UNC5B: variants seen among roughly 807,000 people sequenced by gnomAD.
UNC5B encodes the protein netrin receptor UNC5B.
Under a neutral mutation model 103.7 loss-of-function variants are expected in UNC5B, and 56 were observed. The observed-to-expected ratio is 0.54, with a 90% CI of 0.44 to 0.67. UNC5B has a LOEUF of 0.67. Among genes scored for constraint, UNC5B ranks in the 30% least tolerant of loss-of-function variants. The pLI, the probability that UNC5B is intolerant of heterozygous loss-of-function variation, is 0.00. For synonymous variants in UNC5B, 577 were observed against 542.0 expected (o/e 1.06, Z -0.90); for missense variants, 1,194 against 1,284.5 (o/e 0.93, Z 1.08).
At position 71,299,493 on chromosome 10, in the gene UNC5B, G is replaced by GCT; in HGVS notation, c.*227_*228dup. ...GGCCCAGAGTTCCTTCTCCACCCCC[G>GCT]CTCTCTCTCTCTTGGCCTGAGATCT... On this transcript the variant is annotated 3_prime_UTR_variant, in exon 17 of 17. Coordinates refer to ENST00000335350, the MANE Select transcript of UNC5B (RefSeq NM_170744.5). 33 of 548,474 alleles carry GCT rather than the reference G, an allele frequency of 6.0e-5. No homozygotes were observed. Among genetic ancestry groups the GCT allele is most frequent in the East Asian group, 1.3e-4 (4 of 31,728 alleles). 34.0% of individuals were successfully genotyped at this position (548,474 alleles called of 1,614,324 possible).
At chr10:71,226,124 G>A (rs1164038073) in intron 1 of UNC5B, among the ~76,000 whole-genome samples, 2 of 151,780 alleles carry the variant, frequency 1.3e-5, no homozygotes, top group Non-Finnish European at 2.9e-5. Context: ...ACCCAGGCTG[G>A]AGTGCAGTGG....
chr10:71,291,552 C>T lies in UNC5B; in HGVS notation c.1415C>T (p.Pro472Leu). ...STDKIPMTNS[P>L]LLDPLPSLKV... ...GACAAAATCCCCATGACCAACTCTCCTCTGCTGGACCCCTTACCCAGCCTT... is the reference window on the plus strand; with the variant it reads ...GACAAAATCCCCATGACCAACTCTCTTCTGCTGGACCCCTTACCCAGCCTT... Residue 472 changes from proline (P) to leucine (L), a missense_variant, in exon 10 of 17, where the codon CCT (proline) becomes CTT (leucine). Physicochemically the swap from Pro to Leu is moderately conservative, Grantham distance 98 (BLOSUM62 -3). Coordinates refer to ENST00000335350, the MANE Select transcript of UNC5B (RefSeq NM_170744.5). 6.2e-7 allele frequency: 1 copy of T among 1,614,216 alleles called. No homozygotes were observed. The highest frequency in any genetic ancestry group is 1.1e-5 in the South Asian group (1 of 91,078).
chr10:71,287,425 G>A (rs75289661), intron 5 of UNC5B, among the ~76,000 whole-genome samples, 173 bp from the exon 6 acceptor site: 8,881 of 152,160 alleles, frequency 0.058, 341 homozygotes, highest in South Asian at 0.09. Context: ...TGGTGCTGAC[G>A]GTTACAGCCC....
At chr10:71,240,290 C>G (rs1411286398) in intron 1 of UNC5B, among the ~76,000 whole-genome samples, 1 of 152,276 alleles carries the variant, frequency 6.6e-6, no homozygotes, top group African/African-American at 2.4e-5. Flanking sequence ...CCTCTGGCTT[C>G]TGCCCACTGG....
intron 1 of UNC5B, among the ~76,000 whole-genome samples, chr10:71,258,628 A>G (rs1049666696): frequency 6.6e-6 from 1 of 152,174 alleles, no homozygotes; most frequent in African/African-American, 2.4e-5. Context: ...GAAGGTCCAG[A>G]GAGGGGAAGG....
At chr10:71,271,407 GAGA>G (rs1333009462) in intron 1 of UNC5B, among the ~76,000 whole-genome samples, 1 of 152,204 alleles carries the variant, frequency 6.6e-6, no homozygotes, top group Non-Finnish European at 1.5e-5. Context: ...CCTTGTCTGG[GAGA>G]AGAAGGGGAA....
At position 71,291,135 on chromosome 10, in the gene UNC5B, G is replaced by A. The variant is rs759930456; in HGVS notation, c.1294+26G>A. 9 of 1,598,234 alleles carry A rather than the reference G, an allele frequency of 5.6e-6. No homozygotes were observed. In the African/African-American group the frequency reaches 1.1e-4, roughly 19 times the overall value. ...GTAAGAACCCGAGGATGTCTGGGGT[G>A]GTTGGCAGAGGCAGGATACCCAGAG... On this transcript the variant is annotated intron_variant, in intron 9 of 16. Transcript: ENST00000335350.
rs1413214909 is a variant in UNC5B, at chr10:71,291,047, C to A, written c.1232C>A (p.Thr411Asn). Residue 411 changes from threonine (T) to asparagine (N), a missense_variant, in exon 9 of 17, where the codon ACT (threonine) becomes AAT (asparagine). Thr to Asn is a moderately conservative substitution (Grantham distance 65). Coordinates refer to ENST00000335350, the MANE Select transcript of UNC5B (RefSeq NM_170744.5). Reference protein sequence around the residue: ...RNCRDFDTDITDSSAALTGGF... With the variant: ...RNCRDFDTDINDSSAALTGGF... ...TGCCGTGACTTCGACACAGACATCA[C>A]TGACTCATCTGCTGCCCTGACTGGT... The A allele has an allele frequency of 1.2e-5, 19 of 1,614,210 alleles. No homozygotes were observed. Among genetic ancestry groups the A allele is most frequent in the Non-Finnish European group, 1.2e-5 (14 of 1,180,040 alleles).
At chr10:71,235,827 C>G (rs572997193) in intron 1 of UNC5B, among the ~76,000 whole-genome samples, 10 of 152,350 alleles carry the variant, frequency 6.6e-5, no homozygotes, top group African/African-American at 2.4e-4. Context: ...GCTGAGAGCC[C>G]TAGAGAGCAC....
chr10:71,269,345 C>T (rs1564724449), intron 1 of UNC5B, among the ~76,000 whole-genome samples: 1 of 139,256 alleles, frequency 7.2e-6, no homozygotes, highest in African/African-American at 2.6e-5. Flanking sequence ...AAATGAAGTC[C>T]CCCCCCCACA....
intron 4 of UNC5B, 126 bp from the exon 5 acceptor site, chr10:71,286,563 A>G (rs1845085732): frequency 1.6e-6 from 2 of 1,232,158 alleles, no homozygotes; most frequent in Non-Finnish European, 1.2e-6. Flanking sequence ...GTCCAGTGCT[A>G]TAGTCCCACC....
In UNC5B at chr10:71,213,728, A is replaced by AGAGTGTGTGTGT. The variant is rs144371231; in HGVS notation, c.79+665_79+666insAGTGTGTGTGTG. ...ATTATTAATTTTCTGAGTGTTGGAG[A>AGAGTGTGTGTGT]GTGTGTGTGTGTGTGTGTGTGTGTG... On this transcript the variant is annotated intron_variant, in intron 1 of 16. Coordinates refer to ENST00000335350, the MANE Select transcript of UNC5B (RefSeq NM_170744.5). This position sits in a 1 kb window ranked among gnomAD's most constrained non-coding sequence, Gnocchi z 4.1. Among the ~76,000 whole-genome samples the AGAGTGTGTGTGT allele has an allele frequency of 2.3e-3, 302 of 131,466 alleles. No homozygotes were observed. Among genetic ancestry groups the AGAGTGTGTGTGT allele is most frequent in the African/African-American group, 8.4e-3 (289 of 34,252 alleles). The allele number at this position is 131,466 out of a possible 152,430, so 86.2% of individuals were successfully genotyped here. A position where few individuals can be genotyped will look rare whatever the true frequency, so the allele number is the denominator to read the frequency against.
In UNC5B at chr10:71,295,957, C is replaced by T. The variant is rs142203538; in HGVS notation, c.2322C>T (p.Tyr774=). 677 of 1,612,832 alleles carry T rather than the reference C, an allele frequency of 4.2e-4. 6 individuals are homozygous for T. The African/African-American group carries it at 7.6e-3, about 18-fold the overall frequency. ...AHWRSKLLAK[Y]QEIPFYHIWS... ...GGAGGAGCAAGCTGCTGGCCAAATA[C>T]CAGGTGAGGGCTGGGCTGATGGATG... The change falls in exon 14 of 17, where the codon TAC becomes TAT. Residue 774 remains tyrosine, a synonymous_variant. Coordinates refer to ENST00000335350, the MANE Select transcript of UNC5B (RefSeq NM_170744.5).
intron 1 of UNC5B, among the ~76,000 whole-genome samples, chr10:71,234,770 G>A (rs1554860951): frequency 3.9e-5 from 6 of 152,204 alleles, no homozygotes; most frequent in Non-Finnish European, 5.9e-5. Context: ...GCCAGTTCCA[G>A]GCTGCTGGGT....
chr10:71,217,629 G>A, intron 1 of UNC5B: 1 of 152,322 alleles, frequency 6.6e-6, no homozygotes, highest in East Asian at 1.9e-4. Flanking sequence ...CCCGGTCTTC[G>A]GGGATGCTAA....
chr10:71,270,450 C>T lies in UNC5B; in HGVS notation c.80-9371C>T, dbSNP rs140247119. Among the ~76,000 whole-genome samples, 1,002 of 152,080 alleles carry T rather than the reference C, an allele frequency of 6.6e-3. 11 individuals carry two copies. The highest frequency in any genetic ancestry group is 0.022 in the African/African-American group (925 of 41,432). On this transcript the variant is annotated intron_variant, in intron 1 of 16. Coordinates refer to ENST00000335350, the MANE Select transcript of UNC5B (RefSeq NM_170744.5). ...GTTCTGGGTAGCTTAGGACTTTCTC[C>T]AGGGTCACAGAGAAGCCGCAGGAGG...
At chr10:71,266,234 A>C (rs114147720) in intron 1 of UNC5B, among the ~76,000 whole-genome samples, 39 of 152,066 alleles carry the variant, frequency 2.6e-4, no homozygotes, top group African/African-American at 9.4e-4. Context: ...CCCCCAGCAA[A>C]TGGGGGCAGG....
intron 1 of UNC5B, among the ~76,000 whole-genome samples, chr10:71,247,411 C>T (rs975817794): frequency 6.6e-6 from 1 of 152,224 alleles, no homozygotes; most frequent in Non-Finnish European, 1.5e-5. Flanking sequence ...GCAGCAGTCC[C>T]CTCCACCCCT....
At chr10:71,225,130 T>A (rs1326087616) in intron 1 of UNC5B, among the ~76,000 whole-genome samples, 1 of 152,232 alleles carries the variant, frequency 6.6e-6, no homozygotes, top group Non-Finnish European at 1.5e-5. Flanking sequence ...TCTGTCTCTG[T>A]GTGATACGCA....
Sources: gnomAD v4.1 joint callset for allele counts (sites outside exome capture counted in the v4.1 genomes callset) on GRCh38, gnomAD v4.1.1 for gene constraint, Gnocchi (gnomAD v3.1) non-coding constraint, MANE v1.5 for transcripts, NCBI Gene and HGNC (gene_info 2026-07-23, HGNC 2026-07-21) for gene names.